The following UBE3C variants were observed in gnomAD, a reference collection of about 807,000 sequenced individuals.
The protein encoded by UBE3C is ubiquitin protein ligase E3C.
Under a neutral mutation model 129.4 loss-of-function variants are expected in UBE3C, and 42 were observed. That is an observed-to-expected ratio of 0.32 (90% CI 0.25 to 0.42). The LOEUF (loss-of-function observed/expected upper bound fraction) is 0.42. Ranked by LOEUF, UBE3C falls within the 10% of genes least tolerant of loss-of-function variation. The pLI, the probability that UBE3C is intolerant of heterozygous loss-of-function variation, is 1.00. For synonymous variants in UBE3C, 510 were observed against 492.4 expected, an observed-to-expected ratio of 1.04 and a Z score of -0.47; for missense variants, 1,049 against 1,319.1, an observed-to-expected ratio of 0.80 and a Z score of 3.17.
At chr7:157,147,936 T>A (rs1807651967) in intron 1 of UBE3C, among the ~76,000 whole-genome samples, 2 of 152,128 alleles carry the variant, frequency 1.3e-5, no homozygotes, top group South Asian at 4.1e-4. Context: ...TAGATTGAGC[T>A]TGTTGATATT....
rs376227077 is a variant in UBE3C at position 157,241,640 on chromosome 7, G to A, written c.2482-6728G>A. ...AAAATGGTGCAGCCACTTTGGAAAA[G>A]TTTAGCAGTTCCTCAAAAGGTTAAT... On this transcript the variant is annotated intron_variant, in intron 18 of 22. Transcript: ENST00000348165. Among the ~76,000 whole-genome samples, 152 of 152,314 alleles carry A rather than the reference G, an allele frequency of 1.0e-3. 2 individuals carry two copies. The highest frequency in any genetic ancestry group is 3.5e-3 in the African/African-American group (145 of 41,558).
At chr7:157,174,771 C>T in intron 4 of UBE3C, 148 bp from the exon 5 acceptor site, 1 of 584,400 alleles carries the variant, frequency 1.7e-6, no homozygotes, top group Non-Finnish European at 2.8e-6. Context: ...CTAAATAAAA[C>T]CGACTTAGAA....
At chr7:157,139,539 G>T (rs1350887792) in intron 1 of UBE3C, among the ~76,000 whole-genome samples, 1 of 151,958 alleles carries the variant, frequency 6.6e-6, no homozygotes, top group East Asian at 1.9e-4. Flanking sequence ...ACTCGGAGCC[G>T]AGACTTGGGG....
Position 157,207,457 on chromosome 7 carries a change from C to G in UBE3C, c.1478C>G (p.Ser493Cys), listed in dbSNP as rs1286397045. ...SRGSPMSFED[S>C]SRIIPLFYLF... ...GGTTCTCCTATGTCTTTTGAAGATT[C>G]TAGTCGAATCATCCCACTCTTTTAT... The change falls in exon 12 of 23, where the codon TCT becomes TGT. Residue 493 changes from serine to cysteine, a missense_variant. Ser to Cys is a moderately radical substitution (Grantham distance 112). Transcript: ENST00000348165. 1.2e-6 allele frequency: 2 copies of G among 1,613,896 alleles called. No homozygotes were observed. Among genetic ancestry groups the G allele is most frequent in the Non-Finnish European group, 1.7e-6 (2 of 1,179,994 alleles).
Position 157,174,999 on chromosome 7 carries a change from A to G in UBE3C, c.423A>G (p.Leu141=), listed in dbSNP as rs1384332359. The G allele has an allele frequency of 6.2e-7, 1 of 1,612,306 alleles. No individual in the cohort carries two copies. Among genetic ancestry groups the G allele is most frequent in the East Asian group, 2.2e-5 (1 of 44,806 alleles). ...QLDGSERLTC[L]FQIKRLMSLC... ...ATGGATCTGAGAGACTTACATGCTT[A>G]TTTCAGATAAAAAGATTGATGAGCC... Residue 141 remains leucine, a synonymous_variant, in exon 5 of 23, where the codon TTA becomes TTG. Coordinates refer to ENST00000348165, the MANE Select transcript of UBE3C (RefSeq NM_014671.3).
intron 10 of UBE3C, among the ~76,000 whole-genome samples, chr7:157,199,773 A>G (rs1809229277): frequency 2.0e-5 from 3 of 152,098 alleles, no homozygotes; most frequent in African/African-American, 7.2e-5. Flanking sequence ...GTCCAGCCAT[A>G]TTTCAGAGTG....
intron 19 of UBE3C, among the ~76,000 whole-genome samples, chr7:157,250,975 A>C (rs781719860): frequency 2.0e-5 from 3 of 152,208 alleles, no homozygotes; most frequent in Non-Finnish European, 4.4e-5. Flanking sequence ...ATAATACTGG[A>C]ATCTGTTAAA....
chr7:157,155,123 G>C (rs1161722901), intron 1 of UBE3C, among the ~76,000 whole-genome samples: 1 of 151,986 alleles, frequency 6.6e-6, no homozygotes, highest in African/African-American at 2.4e-5. Context: ...TGAAATTGGC[G>C]GTTCTCATAT....
At chr7:157,234,973 C>T (rs958261519) in intron 18 of UBE3C, among the ~76,000 whole-genome samples, 1 of 152,202 alleles carries the variant, frequency 6.6e-6, no homozygotes, top group African/African-American at 2.4e-5. Flanking sequence ...AGGCGGATCA[C>T]CTGAGGTCGG....
At chr7:157,175,341 G>A (rs778378620) in intron 5 of UBE3C, among the ~76,000 whole-genome samples, 6 of 152,020 alleles carry the variant, frequency 3.9e-5, no homozygotes, top group Non-Finnish European at 8.8e-5. Flanking sequence ...AGCCAAAAGA[G>A]GACTCCTGAT....
intron 3 of UBE3C, among the ~76,000 whole-genome samples, chr7:157,169,975 T>G (rs1034346242): frequency 6.6e-6 from 1 of 152,122 alleles, no homozygotes; most frequent in African/African-American, 2.4e-5. Context: ...TGAGCCATCG[T>G]GCCCTGCCTA....
rs548243585 is a variant in UBE3C, at chr7:157,182,269, A to G, written c.932A>G (p.Lys311Arg). ...LLLIESRCSR[K>R]SGGAPWLFYF... Reference sequence around the variant, plus strand: ...TTAATAGAGAGTAGATGTTCAAGAAAGAGTGGTGGAGCACCCTGGCTTTTC... The same window carrying G: ...TTAATAGAGAGTAGATGTTCAAGAAGGAGTGGTGGAGCACCCTGGCTTTTC... The change falls in exon 8 of 23, where the codon AAG (lysine) becomes AGG (arginine). Residue 311 changes from lysine (K) to arginine (R), a missense_variant. This residue lies in a region of UBE3C where 489 missense variants were observed against 513.8 expected (regional missense o/e 0.95). Transcript: ENST00000348165. The G allele has an allele frequency of 1.9e-6, 3 of 1,614,274 alleles. No individual in the cohort carries two copies. The highest frequency in any genetic ancestry group is 2.2e-5 in the East Asian group (1 of 44,892).
intron 15 of UBE3C, 196 bp from the exon 16 acceptor site, chr7:157,223,058 G>A (rs1795781831): frequency 1.8e-6 from 1 of 546,392 alleles, no homozygotes. Context: ...CAAGTTATGT[G>A]TTCGGGGAGC....
chr7:157,144,378 G>A (rs1586639386), intron 1 of UBE3C, among the ~76,000 whole-genome samples: 2 of 152,272 alleles, frequency 1.3e-5, no homozygotes, highest in East Asian at 1.9e-4. Context: ...GGGAAATTCG[G>A]TGTCTCGGAA....
intron 13 of UBE3C, among the ~76,000 whole-genome samples, chr7:157,210,462 AC>A (rs1355347866): frequency 2.0e-5 from 3 of 152,310 alleles, no homozygotes; most frequent in African/African-American, 7.2e-5. Flanking sequence ...GTATGAACTT[AC>A]ACCTCTGTAG....
chr7:157,157,983 T>G (rs543731694), intron 1 of UBE3C, among the ~76,000 whole-genome samples: 105 of 143,838 alleles, frequency 7.3e-4, no homozygotes, highest in South Asian at 2.4e-3. Context: ...GATATATATA[T>G]ATATAGAGAG....
chr7:157,152,361 C>G (rs372214410), intron 1 of UBE3C, among the ~76,000 whole-genome samples: 3 of 152,144 alleles, frequency 2.0e-5, no homozygotes, highest in South Asian at 4.1e-4. Context: ...TTTAGAGATG[C>G]GTGGGGGGCA....
intron 9 of UBE3C, among the ~76,000 whole-genome samples, chr7:157,185,298 A>G (rs1808776874): frequency 6.6e-6 from 1 of 152,242 alleles, no homozygotes; most frequent in Non-Finnish European, 1.5e-5. Context: ...TCGTGCTCAC[A>G]CTTTGAACAT....
rs551106867 is a variant in UBE3C at position 157,250,143 on chromosome 7, C to T, written c.2694+1563C>T. Among the ~76,000 whole-genome samples, 3 of 152,204 alleles carry T rather than the reference C, an allele frequency of 2.0e-5. No homozygotes were observed. In the East Asian group the frequency reaches 5.8e-4, roughly 29 times the overall value. On this transcript the variant is annotated intron_variant, in intron 19 of 22. Transcript: ENST00000348165. Reference sequence around the variant, plus strand: ...CAGAGACTGGCCGGGAGGTGTGATGCCTGATGAACTGGCTGTGTGGGGTTG... The same window carrying T: ...CAGAGACTGGCCGGGAGGTGTGATGTCTGATGAACTGGCTGTGTGGGGTTG...
Sources: allele counts gnomAD v4.1 joint callset (sites outside exome capture counted in the v4.1 genomes callset), GRCh38; gene constraint gnomAD v4.1.1; regional missense constraint gnomAD v4.1.1; transcripts MANE v1.5; gene names NCBI Gene and HGNC (gene_info 2026-07-23, HGNC 2026-07-21).